Variants in TEX11 observed in about 807,000 individuals in gnomAD.
TEX11 encodes the protein testis expressed 11.
Under a neutral mutation model 84.4 loss-of-function variants are expected in TEX11, and 7 were observed. The observed-to-expected ratio is 0.08, with a 90% CI of 0.05 to 0.16. The LOEUF is 0.16. Ranked by LOEUF, TEX11 falls within the 10% of genes least tolerant of loss-of-function variation. TEX11 has a pLI of 1.00. For synonymous variants in TEX11, 264 were observed against 222.8 expected (o/e 1.18, Z -1.64); for missense variants, 551 against 660.5 (o/e 0.83, Z 1.82).
intron 1 of TEX11, among the ~76,000 whole-genome samples, chrX:70,908,205 CATGAACAGTCCT>C (rs1455169224): frequency 8.9e-6 from 1 of 111,740 alleles, no homozygotes; most frequent in Non-Finnish European, 1.9e-5. Flanking sequence ...CCCCAACGGT[CATGAACAGTCCT>C]GCTTCAACGT....
chrX:70,656,287 G>T lies in TEX11; in HGVS notation c.1381-4735C>A, dbSNP rs757293218. On this transcript the variant is annotated intron_variant, in intron 16 of 29. Transcript: ENST00000374333. ...AAAAAAATTTTTTTAAATTAGCCAG[G>T]CATGGTGGTGCATGCCTGTGGTCCC... Among the ~76,000 whole-genome samples, 5 of 108,819 alleles carry T rather than the reference G, an allele frequency of 4.6e-5. No individual in the cohort carries two copies. The South Asian group carries it at 2.1e-3, about 45-fold the overall frequency. The allele number at this position is 108,819 out of a possible 115,157, so 94.5% of individuals were successfully genotyped here. A position where few individuals can be genotyped will look rare whatever the true frequency, so the allele number is the denominator to read the frequency against.
chrX:70,549,055 C>T (rs982467528), intron 28 of TEX11, among the ~76,000 whole-genome samples: 1 of 111,469 alleles, frequency 9.0e-6, no homozygotes, highest in African/African-American at 3.3e-5. Flanking sequence ...CTTTGTCTTG[C>T]ATCTTGGATA....
intron 9 of TEX11, among the ~76,000 whole-genome samples, chrX:70,757,659 G>A (rs1417230623): frequency 2.7e-5 from 3 of 111,878 alleles, no homozygotes; most frequent in Non-Finnish European, 5.6e-5. Context: ...ACCAGCCACT[G>A]CAAAAACATG....
chrX:70,716,463 GT>G (rs1252423359), intron 13 of TEX11, among the ~76,000 whole-genome samples: 1 of 111,473 alleles, frequency 9.0e-6, no homozygotes, highest in Non-Finnish European at 1.9e-5. Flanking sequence ...CAGCCTCTTT[GT>G]TTACCTACTC....
At chrX:70,522,833 G>A in the TEX11 span, among the ~76,000 whole-genome samples, 795 of 110,074 alleles carry the variant, frequency 7.2e-3, 26 homozygotes, top group East Asian at 0.12. Flanking sequence ...ATGAGCCACC[G>A]CGCCTGGCCG....
At chrX:70,563,817 T>A (rs1457938566) in intron 25 of TEX11, among the ~76,000 whole-genome samples, 1 of 112,744 alleles carries the variant, frequency 8.9e-6, no homozygotes, top group East Asian at 2.8e-4. Context: ...TGTGCACTCA[T>A]TTTTGAATGT....
intron 13 of TEX11, among the ~76,000 whole-genome samples, chrX:70,695,565 G>A (rs187081080): frequency 7.4e-4 from 83 of 111,994 alleles, no homozygotes; most frequent in African/African-American, 2.6e-3. Context: ...AAGTATGTAT[G>A]TGTAATCAAA....
intron 16 of TEX11, among the ~76,000 whole-genome samples, chrX:70,660,189 G>A (rs1380541707): frequency 8.9e-6 from 1 of 111,837 alleles, no homozygotes; most frequent in African/African-American, 3.2e-5. Flanking sequence ...GCTCTGGGTA[G>A]TCAGTGAGTG....
At chrX:70,805,396 A>ATTTTTTTTTTTTTTTTTTT (rs1239950199) in intron 9 of TEX11, among the ~76,000 whole-genome samples, 1 of 103,280 alleles carries the variant, frequency 9.7e-6, no homozygotes, top group African/African-American at 3.6e-5. Context: ...TCCATGATCC[A>ATTTTTTTTTTTTTTTTTTT]TTTTTTTTTC....
At chrX:70,591,624 GA>G (rs1027242288) in intron 25 of TEX11, 126 bp downstream of exon 25, 85 of 429,736 alleles carry the variant, frequency 2.0e-4, no homozygotes, top group African/African-American at 3.4e-4. Flanking sequence ...CAAAACAACA[GA>G]AAAAAAAAAC....
intron 7 of TEX11, among the ~76,000 whole-genome samples, chrX:70,834,597 A>G (rs1339888675): frequency 9.4e-6 from 1 of 106,939 alleles, no homozygotes; most frequent in Admixed American, 1.0e-4. Flanking sequence ...CTCTACCAAA[A>G]AACAAACAAA....
intron 24 of TEX11, among the ~76,000 whole-genome samples, chrX:70,600,543 C>A (rs189206793): frequency 1.6e-3 from 176 of 110,191 alleles, no homozygotes; most frequent in African/African-American, 5.3e-3. Flanking sequence ...GAACTCTCCA[C>A]CCCAAATCAA....
chrX:70,524,141 T>G (rs191073310), downstream of TEX11, among the ~76,000 whole-genome samples: 34 of 112,023 alleles, frequency 3.0e-4, no homozygotes, highest in African/African-American at 1.1e-3. Flanking sequence ...CATCCCAAAG[T>G]CTGCTATTAA....
chrX:70,525,646 G>A (rs1324516786), downstream of TEX11, among the ~76,000 whole-genome samples: 2 of 110,889 alleles, frequency 1.8e-5, no homozygotes, highest in Non-Finnish European at 3.8e-5. Context: ...CAATGGTGAG[G>A]AAAACACAAC....
intron 28 of TEX11, among the ~76,000 whole-genome samples, chrX:70,547,409 C>A (rs2088144517): frequency 9.0e-6 from 1 of 111,096 alleles, no homozygotes; most frequent in Non-Finnish European, 1.9e-5. Context: ...AATAAAAAAT[C>A]AGACAAATGG....
At position 70,758,906 on chromosome X, in the gene TEX11, T is replaced by C. The variant is rs772963627; in HGVS notation, c.693-14687A>G. On this transcript the variant is annotated intron_variant, in intron 9 of 29. Transcript: ENST00000374333. ...AAGAAGAAAAGAAAGAAGAATCAAA[T>C]AGACACAATAAAAAATGATAAAGGG... 1.8e-3 allele frequency among the ~76,000 whole-genome samples: 198 copies of C among 110,963 alleles called. 1 individual carries two copies. Among genetic ancestry groups the C allele is most frequent in the African/African-American group, 6.2e-3 (191 of 30,567 alleles).
chrX:70,794,931 T>A (rs1355341743), intron 9 of TEX11, among the ~76,000 whole-genome samples: 1 of 107,130 alleles, frequency 9.3e-6, no homozygotes, highest in Non-Finnish European at 1.9e-5. Context: ...GAGAGTCTCC[T>A]TCTGCTTGAC....
chrX:70,522,770 C>A, the TEX11 span, among the ~76,000 whole-genome samples: 2 of 109,115 alleles, frequency 1.8e-5, no homozygotes, highest in Admixed American at 2.0e-4. Flanking sequence ...CTTGAACTCC[C>A]GACCTCAGGT....
chrX:70,645,425 A>G (rs1037613532), intron 17 of TEX11, among the ~76,000 whole-genome samples: 1 of 111,703 alleles, frequency 9.0e-6, no homozygotes, highest in Non-Finnish European at 1.9e-5. Flanking sequence ...TCTATTCAAC[A>G]TACTACTGGA....
Sources: allele counts gnomAD v4.1 joint callset (sites outside exome capture counted in the v4.1 genomes callset), GRCh38; gene constraint gnomAD v4.1.1; transcripts MANE v1.5; gene names NCBI Gene and HGNC (gene_info 2026-07-23, HGNC 2026-07-21).